FAT1: variants seen among roughly 807,000 people sequenced by gnomAD.
FAT1 encodes protocadherin Fat 1.
A neutral mutation model predicts 329.8 loss-of-function variants in FAT1; 171 were observed. The ratio of observed to expected loss-of-function variants is 0.52; its 90% CI spans 0.46 to 0.59. The LOEUF (loss-of-function observed/expected upper bound fraction) is 0.59. Among genes scored for constraint, FAT1 ranks in the 20% least tolerant of loss-of-function variants. The pLI, the probability that FAT1 is intolerant of heterozygous loss-of-function variation, is 0.00. For missense variants in FAT1, 5,672 were observed against 5,774.4 expected (o/e 0.98, Z 0.57); for synonymous variants, 2,233 against 2,228.6 (o/e 1.00, Z -0.06).
intron 3 of FAT1, among the ~76,000 whole-genome samples, chr4:186,655,527 T>C (rs557899068): frequency 4.6e-5 from 7 of 151,982 alleles, no homozygotes; most frequent in Non-Finnish European, 7.4e-5. Flanking sequence ...CTCTGCCTCC[T>C]GGGTTCAAGC....
At chr4:186,640,884 G>C (rs533176195) in intron 3 of FAT1, among the ~76,000 whole-genome samples, 40 of 152,176 alleles carry the variant, frequency 2.6e-4, no homozygotes, top group Non-Finnish European at 4.8e-4. Context: ...AGGATGATCT[G>C]CACCTCCGAC....
rs960071318 is a variant in FAT1 at position 186,603,697 on chromosome 4, T to C, written c.10829A>G (p.Tyr3610Cys). The C allele has an allele frequency of 1.2e-6, 2 of 1,613,846 alleles. No individual in the cohort carries two copies. The highest frequency in any genetic ancestry group is 1.3e-5 in the African/African-American group (1 of 74,910). Reference sequence around the variant, plus strand: ...ATCTGTTACGCTGACATTGAGAAGGTATTGCCCTATGTCTAGCTTTTTGTG... The same window carrying C: ...ATCTGTTACGCTGACATTGAGAAGGCATTGCCCTATGTCTAGCTTTTTGTG... ...IAHKKLDIGQ[Y>C]LLNVSVTDGK... Residue 3610 changes from tyrosine to cysteine, a missense_variant, in exon 19 of 27, where the codon TAC becomes TGC. By Grantham distance (194) the Tyr-to-Cys change is radical. Around this residue, in one of 2 missense-constraint regions of FAT1, gnomAD observed 1,706 missense variants for 1,859.1 expected, o/e 0.92. Coordinates refer to ENST00000441802, the MANE Select transcript of FAT1 (RefSeq NM_005245.4).
At chr4:186,692,861 G>T (rs1324591307) in intron 2 of FAT1, among the ~76,000 whole-genome samples, 1 of 152,142 alleles carries the variant, frequency 6.6e-6, no homozygotes, top group African/African-American at 2.4e-5. Flanking sequence ...GCAGGCCAAA[G>T]TCTATCGTGA....
Position 186,619,059 on chromosome 4 carries a change from G to A in FAT1, c.7527C>T (p.Thr2509=), listed in dbSNP as rs1405452531. 3 of 1,613,918 alleles carry A rather than the reference G, an allele frequency of 1.9e-6. No homozygotes were observed. The South Asian group carries it at 3.3e-5, about 18-fold the overall frequency. Residue 2509 remains threonine, a synonymous_variant, in exon 10 of 27, where the codon ACC becomes ACT. Coordinates refer to ENST00000441802, the MANE Select transcript of FAT1 (RefSeq NM_005245.4). ...CCGTAGTTTTCACCTCCATCACCAG[G>A]GTATGTAGGGGAGCGTTTTCAGCTA... ...VELAENAPLH[T]LVMEVKTTDG...
chr4:186,653,799 C>T (rs180901954), intron 3 of FAT1, among the ~76,000 whole-genome samples: 27 of 152,284 alleles, frequency 1.8e-4, no homozygotes, highest in East Asian at 7.7e-4. Context: ...TACAGTGACA[C>T]GGCTGAGTGG....
intron 2 of FAT1, among the ~76,000 whole-genome samples, chr4:186,680,086 A>G (rs1232932145): frequency 6.6e-6 from 1 of 152,226 alleles, no homozygotes; most frequent in African/African-American, 2.4e-5. Context: ...AAATATCCCA[A>G]CACGACTGCA....
At position 186,620,398 on chromosome 4, in the gene FAT1, G is replaced by A. The variant is rs1344941217; in HGVS notation, c.6188C>T (p.Ala2063Val). ...TACAATGACCTTCACGACAACGTGG[G>A]CCACTGCAGAAGGCTTATGTTCCTC... is the stretch of plus-strand genomic sequence containing the variant. The part of the protein sequence containing the change: ...VTEEHKPSAV[A>V]HVVVKVIVED... Residue 2063 changes from alanine to valine, a missense_variant, in exon 10 of 27, where the codon GCC (alanine) becomes GTC (valine). Around this residue, in one of 2 missense-constraint regions of FAT1, gnomAD observed 3,966 missense variants for 3,915.2 expected, o/e 1.01. Transcript: ENST00000441802. 3 of 1,613,888 alleles carry A rather than the reference G, an allele frequency of 1.9e-6. No individual in the cohort carries two copies. Among genetic ancestry groups the A allele is most frequent in the Non-Finnish European group, 1.7e-6 (2 of 1,179,902 alleles).
intron 9 of FAT1, among the ~76,000 whole-genome samples, chr4:186,626,729 T>C (rs1740325002): frequency 6.8e-6 from 1 of 146,238 alleles, no homozygotes; most frequent in African/African-American, 2.6e-5. Context: ...AATGAATGAA[T>C]GAATGAATGA....
rs765210457 is a variant in FAT1, at chr4:186,595,854, T to C, written c.13001-28A>G. ...AAAAGGAAGGATGACAAACAGTAAG[T>C]ATATGGGCCAAGACGGTTTTGTTCA... is the stretch of plus-strand genomic sequence containing the variant. On this transcript the variant is annotated intron_variant, in intron 25 of 26. Coordinates refer to ENST00000441802, the MANE Select transcript of FAT1 (RefSeq NM_005245.4). 1.9e-6 allele frequency: 3 copies of C among 1,612,914 alleles called. No individual in the cohort carries two copies. The South Asian group carries it at 3.3e-5, about 18-fold the overall frequency.
chr4:186,592,602 T>A (rs187635941), intron 26 of FAT1: 5 of 439,990 alleles, frequency 1.1e-5, no homozygotes, highest in Non-Finnish European at 2.3e-5. Flanking sequence ...CACAAACTGT[T>A]TTTTCCTACC....
chr4:186,598,953 T>C (rs1738662132), intron 22 of FAT1: 1 of 152,234 alleles, frequency 6.6e-6, no homozygotes. Flanking sequence ...GGCGTGGCTG[T>C]GGGTTTTTCT....
intron 2 of FAT1, among the ~76,000 whole-genome samples, chr4:186,691,331 T>A (rs1743752037): frequency 6.6e-6 from 1 of 152,224 alleles, no homozygotes; most frequent in African/African-American, 2.4e-5. Context: ...TTTAAGACTT[T>A]TATTCTCTTC....
At chr4:186,694,121 C>A (rs1005733670) in intron 2 of FAT1, among the ~76,000 whole-genome samples, 10 of 152,186 alleles carry the variant, frequency 6.6e-5, no homozygotes, top group African/African-American at 2.2e-4. Flanking sequence ...CTCAACCTCT[C>A]CCAGACTCAA....
intron 3 of FAT1, among the ~76,000 whole-genome samples, chr4:186,661,782 G>A (rs182023990): frequency 2.3e-3 from 347 of 152,310 alleles, no homozygotes; most frequent in Middle Eastern, 6.8e-3. Flanking sequence ...GGTGGGTCAG[G>A]AGTTTCGGAG....
rs1180757221 is a variant in FAT1, at chr4:186,618,300, CA to C, written c.8285del (p.Leu2762TrpfsTer32). ...VIDRQSGRLK[L>X]EKSLDHETTK... is the part of the protein sequence containing the mutation. ...TTGTCTCATGATCAAGACTCTTCTC[CA>C]ACTTCAGTCTCCCGCTCTGTCTGTC... On this transcript the variant is annotated frameshift_variant, in exon 10 of 27. Transcript: ENST00000441802. LOFTEE classifies it high-confidence loss of function. 1.2e-6 allele frequency: 2 copies of C among 1,613,912 alleles called. No individual in the cohort carries two copies. Among genetic ancestry groups the C allele is most frequent in the Non-Finnish European group, 1.7e-6 (2 of 1,179,904 alleles).
Position 186,706,788 on chromosome 4 carries a change from A to G in FAT1, c.3040T>C (p.Ser1014Pro), listed in dbSNP as rs2126683137. Residue 1014 changes from serine (S) to proline (P), a missense_variant, in exon 2 of 27, where the codon TCT becomes CCT. Physicochemically the swap from Ser to Pro is moderately conservative, Grantham distance 74. Around this residue, in one of 2 missense-constraint regions of FAT1, gnomAD observed 3,966 missense variants for 3,915.2 expected, o/e 1.01. Coordinates refer to ENST00000441802, the MANE Select transcript of FAT1 (RefSeq NM_005245.4). The stretch of plus-strand genomic sequence containing the variant: ...ACCTCAACTTCAACATAGCAAGTAG[A>G]AGACAGAGAAACTGGCTTTCCCTTG... ...KDKGKPVSLS[S>P]TCYVEVEVVD... 6.2e-7 allele frequency: 1 copy of G among 1,613,986 alleles called. No individual in the cohort carries two copies. The highest frequency in any genetic ancestry group is 8.5e-7 in the Non-Finnish European group (1 of 1,179,886).
chr4:186,682,383 C>T (rs900891328), intron 2 of FAT1, among the ~76,000 whole-genome samples: 7 of 151,814 alleles, frequency 4.6e-5, no homozygotes, highest in African/African-American at 1.2e-4. Flanking sequence ...AAAAATTAGC[C>T]AGGTGTGCTG....
intron 20 of FAT1, among the ~76,000 whole-genome samples, chr4:186,601,987 A>C (rs926128723): frequency 2.0e-5 from 3 of 152,216 alleles, no homozygotes; most frequent in Non-Finnish European, 4.4e-5. Flanking sequence ...TACACAAGTA[A>C]CTCTACACAT....
At chr4:186,667,210 A>G (rs1042671274) in intron 2 of FAT1, among the ~76,000 whole-genome samples, 2 of 152,210 alleles carry the variant, frequency 1.3e-5, no homozygotes, top group African/African-American at 4.8e-5. Flanking sequence ...TCGGGCCGTA[A>G]GCGTCCAGAC....
Sources: allele counts gnomAD v4.1 joint callset (sites outside exome capture counted in the v4.1 genomes callset), GRCh38; gene constraint gnomAD v4.1.1; regional missense constraint gnomAD v4.1.1; transcripts MANE v1.5; gene names NCBI Gene and HGNC (gene_info 2026-07-23, HGNC 2026-07-21).